Variants in SLC35F3 observed in about 807,000 individuals in gnomAD.
SLC35F3 encodes solute carrier family 35 member F3.
Under a neutral mutation model 49.9 loss-of-function variants are expected in SLC35F3, and 25 were observed. The ratio of observed to expected loss-of-function variants is 0.50; its 90% CI spans 0.37 to 0.70. The LOEUF is 0.70. SLC35F3 is among the 30% of genes least tolerant of loss of function. The probability of loss-of-function intolerance (pLI) is 0.00; values close to 1 mark genes in which losing one functional copy is unlikely to be tolerated. For synonymous variants in SLC35F3, 275 were observed against 265.4 expected (o/e 1.04, Z -0.35); for missense variants, 525 against 639.8 (o/e 0.82, Z 1.94).
At chr1:234,185,521 T>C (rs140604873) in intron 2 of SLC35F3, among the ~76,000 whole-genome samples, 3 of 152,340 alleles carry the variant, frequency 2.0e-5, no homozygotes, top group Admixed American at 6.5e-5. Context: ...ACCTAAGGCA[T>C]TAATGCTTCT....
At position 234,231,379 on chromosome 1, in the gene SLC35F3, T is replaced by C; in HGVS notation, c.284-38T>C. The C allele has an allele frequency of 1.4e-6, 2 of 1,442,884 alleles. No individual in the cohort carries two copies. Among genetic ancestry groups the C allele is most frequent in the Non-Finnish European group, 1.8e-6 (2 of 1,090,198 alleles). The allele number at this position is 1,442,884 out of a possible 1,614,324, so 89.4% of individuals were successfully genotyped here. On this transcript the variant is annotated intron_variant, in intron 2 of 7. Coordinates refer to ENST00000366618, the MANE Select transcript of SLC35F3 (RefSeq NM_173508.4). This position sits in a 1 kb window ranked among gnomAD's most constrained non-coding sequence, Gnocchi z 5.4. Reference sequence around the variant, plus strand: ...GCCCTGCGAAGTGCAGGGGTGAAGGTCTGCAGGCCCCGCTAACCACGCCCT... The same window carrying C: ...GCCCTGCGAAGTGCAGGGGTGAAGGCCTGCAGGCCCCGCTAACCACGCCCT...
At chr1:234,016,984 A>C (rs1410102668) in intron 2 of SLC35F3, among the ~76,000 whole-genome samples, 7 of 152,192 alleles carry the variant, frequency 4.6e-5, no homozygotes, top group Admixed American at 4.6e-4. Context: ...TGGCTCTGTT[A>C]TTAACTTGGG....
At chr1:234,176,980 T>C (rs1203232106) in intron 2 of SLC35F3, among the ~76,000 whole-genome samples, 1 of 152,194 alleles carries the variant, frequency 6.6e-6, no homozygotes, top group Non-Finnish European at 1.5e-5. Context: ...GTGGTTGATA[T>C]GGTTTGGCTG....
rs73110437 is a variant in SLC35F3, at chr1:234,198,626, A to T, written c.284-32791A>T. Among the ~76,000 whole-genome samples, 1,373 of 151,984 alleles carry T rather than the reference A, an allele frequency of 9.0e-3. 26 individuals carry two copies. The highest frequency in any genetic ancestry group is 0.032 in the African/African-American group (1,306 of 41,420). On this transcript the variant is annotated intron_variant, in intron 2 of 7. Transcript: ENST00000366618. ...TCATTGTGTTTTTTTAAAATTAATT[A>T]GTTTTGTTCATCAACAATTAATAAT...
intron 2 of SLC35F3, among the ~76,000 whole-genome samples, chr1:234,051,659 A>G (rs1664379571): frequency 6.6e-6 from 1 of 152,210 alleles, no homozygotes. Context: ...TACCCTGGCC[A>G]GAACTTCCAA....
At chr1:234,029,031 A>G (rs550148060) in intron 2 of SLC35F3, among the ~76,000 whole-genome samples, 12 of 152,360 alleles carry the variant, frequency 7.9e-5, no homozygotes, top group Non-Finnish European at 1.5e-4. Flanking sequence ...TTTTTATGAT[A>G]CATTGCTCCT....
chr1:234,015,776 C>T (rs952534124), intron 2 of SLC35F3, among the ~76,000 whole-genome samples: 1 of 152,092 alleles, frequency 6.6e-6, no homozygotes, highest in Non-Finnish European at 1.5e-5. Flanking sequence ...TCCAAATGCT[C>T]CAGTACCAAA....
intron 2 of SLC35F3, among the ~76,000 whole-genome samples, chr1:234,054,467 C>T (rs905303323): frequency 1.3e-5 from 2 of 152,200 alleles, no homozygotes; most frequent in East Asian, 1.9e-4. Flanking sequence ...ATGTAGTTCT[C>T]GTGCCATGGT....
intron 4 of SLC35F3, among the ~76,000 whole-genome samples, chr1:234,312,089 G>T (rs1236391951): frequency 6.6e-6 from 1 of 152,202 alleles, no homozygotes; most frequent in Non-Finnish European, 1.5e-5. Context: ...GTTGGTGGAT[G>T]AACATTTAGA....
chr1:234,030,335 A>C (rs933903883), intron 2 of SLC35F3, among the ~76,000 whole-genome samples: 1 of 152,114 alleles, frequency 6.6e-6, no homozygotes, highest in African/African-American at 2.4e-5. Flanking sequence ...CTGGGGATTT[A>C]TGGCATCATT....
At chr1:234,316,766 C>G in intron 5 of SLC35F3, 39 bp downstream of exon 5, 1 of 1,581,772 alleles carries the variant, frequency 6.3e-7, no homozygotes, top group Non-Finnish European at 8.7e-7. Flanking sequence ...TGGCTGGGCT[C>G]TCCTCAGCCA....
intron 2 of SLC35F3, among the ~76,000 whole-genome samples, chr1:233,956,431 G>A (rs1392295433): frequency 6.6e-6 from 1 of 152,190 alleles, no homozygotes; most frequent in Non-Finnish European, 1.5e-5. Context: ...CCAGGGTATG[G>A]CCATAAAACC....
At chr1:234,057,734 C>T (rs1400420268) in intron 2 of SLC35F3, among the ~76,000 whole-genome samples, 1 of 152,120 alleles carries the variant, frequency 6.6e-6, no homozygotes, top group African/African-American at 2.4e-5. Flanking sequence ...GAGACAGAGT[C>T]TCACTCTGTT....
intron 3 of SLC35F3, among the ~76,000 whole-genome samples, chr1:234,249,326 G>A (rs181559528): frequency 2.8e-4 from 43 of 152,106 alleles, no homozygotes; most frequent in Middle Eastern, 3.4e-3. Context: ...TATCCCATAC[G>A]GAAGCTTCCA....
At chr1:234,300,702 C>A (rs770283706) in intron 3 of SLC35F3, among the ~76,000 whole-genome samples, 1 of 152,240 alleles carries the variant, frequency 6.6e-6, no homozygotes, top group East Asian at 1.9e-4. Context: ...CGAGCTGATA[C>A]CCAATTGATG....
chr1:234,180,649 T>A (rs559638257), intron 2 of SLC35F3, among the ~76,000 whole-genome samples: 1 of 152,276 alleles, frequency 6.6e-6, no homozygotes, highest in Non-Finnish European at 1.5e-5. Context: ...CTCTTCCTAT[T>A]TCCCTCATTG....
chr1:233,961,234 A>G (rs1460743834), intron 2 of SLC35F3, among the ~76,000 whole-genome samples: 1 of 152,048 alleles, frequency 6.6e-6, no homozygotes, highest in Non-Finnish European at 1.5e-5. Flanking sequence ...GGATTTTGAA[A>G]AAACCTGTGA....
chr1:234,188,518 C>G (rs2102927580), intron 2 of SLC35F3, among the ~76,000 whole-genome samples: 1 of 152,290 alleles, frequency 6.6e-6, no homozygotes, highest in East Asian at 1.9e-4. Flanking sequence ...AACCACACCC[C>G]CATTCCCCAC....
rs182802394 is a variant in SLC35F3 at position 234,003,083 on chromosome 1, C to G, written c.283+97325C>G. Among the ~76,000 whole-genome samples, 850 of 152,304 alleles carry G rather than the reference C, an allele frequency of 5.6e-3. 7 individuals are homozygous for G. The highest frequency in any genetic ancestry group is 9.1e-3 in the Non-Finnish European group (619 of 68,020). On this transcript the variant is annotated intron_variant, in intron 2 of 7. Transcript: ENST00000366618. ...GACACATTTTGTATGTTTCCTGCCC[C>G]AGTCCTAGAATCAGCCATTTCTCCA...
Sources: allele counts gnomAD v4.1 joint callset (sites outside exome capture counted in the v4.1 genomes callset), GRCh38; gene constraint gnomAD v4.1.1; non-coding constraint Gnocchi (gnomAD v3.1); transcripts MANE v1.5; gene names NCBI Gene and HGNC (gene_info 2026-07-23, HGNC 2026-07-21).